Variants in OVGP1 observed in about 807,000 individuals in gnomAD.
OVGP1 encodes the protein oviductal glycoprotein 1.
In OVGP1, 26 loss-of-function variants were observed where a neutral mutation model predicts 48.2. The observed-to-expected ratio is 0.54, with a 90% CI of 0.40 to 0.75. OVGP1 has a LOEUF of 0.75. Among genes scored for constraint, OVGP1 ranks in the 30% least tolerant of loss-of-function variants. The pLI is 0.00. For synonymous variants in OVGP1, 294 were observed against 305.7 expected, an observed-to-expected ratio of 0.96 and a Z score of 0.40; for missense variants, 791 against 820.6, an observed-to-expected ratio of 0.96 and a Z score of 0.44.
At chr1:111,425,298 G>T in intron 4 of OVGP1, 85 bp downstream of exon 4, 1 of 1,523,486 alleles carries the variant, frequency 6.6e-7, no homozygotes, top group Non-Finnish European at 9.0e-7. Context: ...TGTCCGCATG[G>T]CCAAGCTGCC....
At chr1:111,421,738 C>T (rs1368144148) in intron 6 of OVGP1, 65 bp from the exon 7 acceptor site, 1 of 980,902 alleles carries the variant, frequency 1.0e-6, no homozygotes, top group East Asian at 2.4e-5. Context: ...CAGAGCATCA[C>T]AGCACTGTCT....
Position 111,414,431 on chromosome 1 carries a change from A to G in OVGP1, c.*33T>C. ...AACATGTCACTTAGAAGAAAAGACA[A>G]GGGTTTTCCCTGGTTTCTGACACCA... On this transcript the variant is annotated 3_prime_UTR_variant, in exon 11 of 11. Coordinates refer to ENST00000369732, the MANE Select transcript of OVGP1 (RefSeq NM_002557.4). 3 of 1,559,202 alleles carry G rather than the reference A, an allele frequency of 1.9e-6. No individual in the cohort carries two copies. Among genetic ancestry groups the G allele is most frequent in the Non-Finnish European group, 2.6e-6 (3 of 1,152,350 alleles).
At chr1:111,419,914 CTG>C (rs1233479064) in intron 8 of OVGP1, among the ~76,000 whole-genome samples, 188 bp from the exon 9 acceptor site, 2 of 152,238 alleles carry the variant, frequency 1.3e-5, no homozygotes, top group Non-Finnish European at 2.9e-5. Flanking sequence ...TAAATTCCTA[CTG>C]TTACCCTTTC....
In OVGP1 at chr1:111,421,656, T is replaced by G. The variant is rs1444358088; in HGVS notation, c.626A>C (p.Asn209Thr). Residue 209 changes from asparagine to threonine, a missense_variant, in exon 7 of 11, where the codon AAT becomes ACT. Asn to Thr is a moderately conservative substitution (Grantham distance 65). Transcript: ENST00000369732. The stretch of plus-strand genomic sequence containing the variant: ...TCCATGTAAGTCATAAGACAAGACA[T>G]TGATGAAATCCAGGAGTCTGTAAGG... ...RFLGRLLDFI[N>T]VLSYDLHGSW... 6.2e-7 allele frequency: 1 copy of G among 1,608,938 alleles called. No homozygotes were observed. The highest frequency in any genetic ancestry group is 8.5e-7 in the Non-Finnish European group (1 of 1,175,284).
Position 111,421,851 on chromosome 1 carries a change from T to C in OVGP1, c.609-178A>G, listed in dbSNP as rs191350104. Among the ~76,000 whole-genome samples, 273 of 152,292 alleles carry C rather than the reference T, an allele frequency of 1.8e-3. 2 individuals carry two copies. The highest frequency in any genetic ancestry group is 6.8e-3 in the Middle Eastern group (2 of 294). ...ACCTGCCACTGGAACAAACAGCTGGTTAGGAACAGCTGTATATGAGGAGCT... is the reference window on the plus strand; with the variant it reads ...ACCTGCCACTGGAACAAACAGCTGGCTAGGAACAGCTGTATATGAGGAGCT... On this transcript the variant is annotated intron_variant, in intron 6 of 10. Coordinates refer to ENST00000369732, the MANE Select transcript of OVGP1 (RefSeq NM_002557.4).
intron 10 of OVGP1, among the ~76,000 whole-genome samples, chr1:111,415,707 T>C (rs1046049684): frequency 2.6e-5 from 4 of 152,164 alleles, no homozygotes; most frequent in African/African-American, 9.7e-5. Context: ...AATAATTACT[T>C]GATGAATGCT....
At chr1:111,426,678 A>C (rs1157813465) in intron 2 of OVGP1, 37 bp from the exon 3 acceptor site, 1 of 1,599,102 alleles carries the variant, frequency 6.3e-7, no homozygotes, top group South Asian at 1.1e-5. Context: ...GGCAAAAACC[A>C]AGGGAGGGGA....
At position 111,426,537 on chromosome 1, in the gene OVGP1, G is replaced by A. The variant is rs1196607953; in HGVS notation, c.160C>T (p.Leu54=). 1.1e-5 allele frequency: 18 copies of A among 1,614,060 alleles called. No individual in the cohort carries two copies. The highest frequency in any genetic ancestry group is 1.1e-5 in the Non-Finnish European group (13 of 1,180,032). Residue 54 remains leucine, a synonymous_variant, in exon 3 of 11, where the codon CTG becomes TTG. Transcript: ENST00000369732. ...TTCATTGAGGCAAAGGCAAATATCAGGTGGGTGCAGAGAAAGGGGTCCAGG... is the reference window on the plus strand; with the variant it reads ...TTCATTGAGGCAAAGGCAAATATCAAGTGGGTGCAGAGAAAGGGGTCCAGG... The part of the protein sequence containing the change: ...HDLDPFLCTH[L]IFAFASMNNN...
intron 9 of OVGP1, among the ~76,000 whole-genome samples, chr1:111,418,449 C>T (rs574935609): frequency 6.6e-6 from 1 of 152,304 alleles, no homozygotes; most frequent in East Asian, 1.9e-4. Context: ...CAGGCCTCAC[C>T]CAGTGTTAAT....
At chr1:111,421,989 G>A (rs971790630) in intron 6 of OVGP1, among the ~76,000 whole-genome samples, 4 of 152,202 alleles carry the variant, frequency 2.6e-5, no homozygotes. Context: ...AGTAAAAGCA[G>A]TCTGTTCCAT....
chr1:111,427,446 C>CTGCATG (rs1489572305), intron 1 of OVGP1: 165 of 859,054 alleles, frequency 1.9e-4, no homozygotes, highest in Admixed American at 3.1e-4. Flanking sequence ...GAGATTCTAA[C>CTGCATG]AGAACTGGTC....
At chr1:111,415,627 G>A (rs925467738) in intron 10 of OVGP1, among the ~76,000 whole-genome samples, 27 of 152,134 alleles carry the variant, frequency 1.8e-4, no homozygotes, top group African/African-American at 6.3e-4. Context: ...CCCATTCCTT[G>A]TGCTTAAGCC....
chr1:111,414,792 G>C lies in OVGP1; in HGVS notation c.1709C>G (p.Ala570Gly). The C allele has an allele frequency of 1.9e-6, 3 of 1,602,126 alleles. No individual in the cohort carries two copies. The highest frequency in any genetic ancestry group is 2.2e-5 in the East Asian group (1 of 44,608). ...NTVAPRRKAV[A>G]REKVTVPSRN... ...GGAGGGGACAGTCACCTTTTCACGG[G>C]CCACAGCCTTCCTTCTAGGGGCCAC... Residue 570 changes from alanine to glycine, a missense_variant, in exon 11 of 11, where the codon GCC becomes GGC. Physicochemically the swap from Ala to Gly is moderately conservative, Grantham distance 60. Transcript: ENST00000369732.
At chr1:111,419,558 T>A in intron 9 of OVGP1, 52 bp downstream of exon 9, 1 of 1,072,852 alleles carries the variant, frequency 9.3e-7, no homozygotes. Flanking sequence ...AAGGACCCCA[T>A]AGAAACCGGT....
chr1:111,424,800 G>A (rs1020124707), intron 4 of OVGP1, among the ~76,000 whole-genome samples: 9 of 152,288 alleles, frequency 5.9e-5, no homozygotes, highest in South Asian at 4.1e-4. Context: ...AGGCAAGTAC[G>A]GCCTCTAACC....
intron 8 of OVGP1, among the ~76,000 whole-genome samples, chr1:111,420,899 G>T (rs931742351): frequency 1.2e-4 from 19 of 152,218 alleles, no homozygotes; most frequent in African/African-American, 3.9e-4. Flanking sequence ...GTAGTATGTG[G>T]GGGAGGTACA....
At position 111,427,690 on chromosome 1, in the gene OVGP1, C is replaced by T. The variant is rs754032104; in HGVS notation, c.25+7G>A. 1.2e-6 allele frequency: 2 copies of T among 1,613,192 alleles called. No individual in the cohort carries two copies. Among genetic ancestry groups the T allele is most frequent in the South Asian group, 1.1e-5 (1 of 91,046 alleles). On this transcript the variant is annotated splice_region_variant and intron_variant, in intron 1 of 10. Coordinates refer to ENST00000369732, the MANE Select transcript of OVGP1 (RefSeq NM_002557.4). The stretch of plus-strand genomic sequence containing the variant: ...TGAGTGACACTGCTGGGACCTGCCA[C>T]ACTCACCAACCCACAGCAACAGCTT...
rs1012095306 is a variant in OVGP1 at position 111,427,617 on chromosome 1, C to G, written c.25+80G>C. On this transcript the variant is annotated intron_variant, in intron 1 of 10. Coordinates refer to ENST00000369732, the MANE Select transcript of OVGP1 (RefSeq NM_002557.4). Reference sequence around the variant, plus strand: ...TTCCCTGAGTCTCAGGCTGCTCTCTCAGGCACCAGAGAGATGACGAACTCA... The same window carrying G: ...TTCCCTGAGTCTCAGGCTGCTCTCTGAGGCACCAGAGAGATGACGAACTCA... The G allele has an allele frequency of 7.9e-6, 12 of 1,524,086 alleles. No individual in the cohort carries two copies. In the African/African-American group the frequency reaches 1.6e-4, roughly 21 times the overall value. 94.4% of individuals were successfully genotyped at this position (1,524,086 alleles called of 1,614,324 possible).
chr1:111,416,084 T>C (rs1262414259), intron 10 of OVGP1, among the ~76,000 whole-genome samples: 1 of 152,244 alleles, frequency 6.6e-6, no homozygotes, highest in East Asian at 1.9e-4. Flanking sequence ...TTAGTTCTTA[T>C]AATAATGTCA....
Sources: gnomAD v4.1 joint callset for allele counts (sites outside exome capture counted in the v4.1 genomes callset) on GRCh38, gnomAD v4.1.1 for gene constraint, MANE v1.5 for transcripts, NCBI Gene and HGNC (gene_info 2026-07-23, HGNC 2026-07-21) for gene names.